FAM171A1: variants seen among roughly 807,000 people sequenced by gnomAD.
FAM171A1 encodes family with sequence similarity 171 member A1, also known as protein FAM171A1.
In FAM171A1, 23 loss-of-function variants were observed where a neutral mutation model predicts 74.9. That is an observed-to-expected ratio of 0.31 (90% CI 0.22 to 0.44). FAM171A1 has a LOEUF of 0.44. FAM171A1 is among the 20% of genes least tolerant of loss of function. The pLI, the probability that FAM171A1 is intolerant of heterozygous loss-of-function variation, is 1.00. For missense variants in FAM171A1, 1,162 were observed against 1,159.2 expected (o/e 1.00, Z -0.03); for synonymous variants, 527 against 505.7 (o/e 1.04, Z -0.57).
At chr10:15,234,513 G>A (rs1027378874) in intron 5 of FAM171A1, among the ~76,000 whole-genome samples, 1 of 152,184 alleles carries the variant, frequency 6.6e-6, no homozygotes, top group African/African-American at 2.4e-5. Flanking sequence ...GTTACAGAAT[G>A]TTCTGAGGTT....
chr10:15,324,628 C>T (rs1276230222), intron 1 of FAM171A1, among the ~76,000 whole-genome samples: 1 of 152,118 alleles, frequency 6.6e-6, no homozygotes, highest in African/African-American at 2.4e-5. Context: ...GCTTCACTCA[C>T]ACTGCACACG....
Position 15,211,902 on chromosome 10 carries a change from G to A in FAM171A1, c.*1013C>T, listed in dbSNP as rs1453834589. On this transcript the variant is annotated 3_prime_UTR_variant, in exon 8 of 8. Transcript: ENST00000378116. The stretch of plus-strand genomic sequence containing the variant: ...TACAAACAGCCAAAAAACCATAATG[G>A]TGCCACAGGGATGGAGCAGGGAAGG... The A allele has an allele frequency of 2.6e-5, 4 of 152,452 alleles. No individual in the cohort carries two copies. Among genetic ancestry groups the A allele is most frequent in the South Asian group, 2.1e-4 (1 of 4,820 alleles). The allele number at this position is 152,452 out of a possible 1,614,324, so 9.4% of individuals were successfully genotyped here.
intron 1 of FAM171A1, among the ~76,000 whole-genome samples, chr10:15,305,799 C>T (rs1440245957): frequency 6.6e-6 from 1 of 151,738 alleles, no homozygotes. Context: ...TGGACTGCCA[C>T]AGAAGGACAC....
chr10:15,220,447 T>C (rs1187118406), intron 6 of FAM171A1, among the ~76,000 whole-genome samples: 1 of 152,236 alleles, frequency 6.6e-6, no homozygotes. Flanking sequence ...CTGAAAGATA[T>C]GCATTAATGC....
At chr10:15,330,067 C>T (rs1422970419) in intron 1 of FAM171A1, among the ~76,000 whole-genome samples, 1 of 152,100 alleles carries the variant, frequency 6.6e-6, no homozygotes, top group Non-Finnish European at 1.5e-5. Context: ...GAGGGCTGGG[C>T]GTGGTGGCTC....
At chr10:15,295,865 C>T (rs999526168) in intron 1 of FAM171A1, among the ~76,000 whole-genome samples, 31 of 152,190 alleles carry the variant, frequency 2.0e-4, no homozygotes, top group African/African-American at 7.5e-4. Flanking sequence ...CTACATTTAA[C>T]CCCAATTTAG....
intron 1 of FAM171A1, among the ~76,000 whole-genome samples, chr10:15,286,945 C>A (rs17358365): frequency 0.23 from 35,397 of 151,984 alleles, 4,255 homozygotes; most frequent in Non-Finnish European, 0.28. Context: ...ATCTTGGCTA[C>A]TTCATACTAT....
At chr10:15,352,984 A>G (rs1225936904) in intron 1 of FAM171A1, among the ~76,000 whole-genome samples, 1 of 152,230 alleles carries the variant, frequency 6.6e-6, no homozygotes, top group Non-Finnish European at 1.5e-5. Flanking sequence ...CGGTAGATGC[A>G]GGGCCTGGAT....
intron 6 of FAM171A1, among the ~76,000 whole-genome samples, chr10:15,218,228 T>C (rs1369579762): frequency 2.0e-5 from 3 of 152,012 alleles, no homozygotes; most frequent in Admixed American, 1.3e-4. Context: ...TACAGGTGTG[T>C]GCTACTGTGC....
chr10:15,304,986 A>G (rs908311591), intron 1 of FAM171A1, among the ~76,000 whole-genome samples: 3 of 152,168 alleles, frequency 2.0e-5, no homozygotes, highest in African/African-American at 7.2e-5. Flanking sequence ...CGCCTGCCTC[A>G]GCCTCCTTCC....
At chr10:15,273,512 A>C (rs1401474867) in intron 3 of FAM171A1, among the ~76,000 whole-genome samples, 1 of 152,238 alleles carries the variant, frequency 6.6e-6, no homozygotes, top group African/African-American at 2.4e-5. Flanking sequence ...AATCAATAGA[A>C]AAAGAGGGAA....
chr10:15,306,517 A>G (rs1343640365), intron 1 of FAM171A1, among the ~76,000 whole-genome samples: 1 of 151,984 alleles, frequency 6.6e-6, no homozygotes, highest in African/African-American at 2.4e-5. Flanking sequence ...GGCATGCCCC[A>G]CCATGCCTGG....
chr10:15,283,658 C>T (rs1474164926), intron 2 of FAM171A1, among the ~76,000 whole-genome samples: 1 of 152,162 alleles, frequency 6.6e-6, no homozygotes, highest in Non-Finnish European at 1.5e-5. Context: ...CACCATGGCT[C>T]ACTGCAGTCT....
chr10:15,253,620 T>C (rs1305969327), intron 4 of FAM171A1, among the ~76,000 whole-genome samples: 1 of 152,232 alleles, frequency 6.6e-6, no homozygotes, highest in African/African-American at 2.4e-5. Flanking sequence ...TAAAAGCTTT[T>C]TCAGAATAAT....
rs1835001361 is a variant in FAM171A1, at chr10:15,283,888, G to T, written c.315C>A (p.Ile105=). ...TGAGGAACGCCTTACCAGGTAACCG[G>T]ATTGGCTTCCATGGGGCAGAGTTTG... The part of the protein sequence containing the change: ...YVPNSAPWKP[I]RLPVFSSLSL... The change falls in exon 2 of 8, where the codon ATC becomes ATA. Residue 105 remains isoleucine, a synonymous_variant. Transcript: ENST00000378116. 6.2e-7 allele frequency: 1 copy of T among 1,614,142 alleles called. No individual in the cohort carries two copies. Among genetic ancestry groups the T allele is most frequent in the Non-Finnish European group, 8.5e-7 (1 of 1,179,990 alleles).
chr10:15,342,381 C>A (rs1835774436), intron 1 of FAM171A1, among the ~76,000 whole-genome samples: 1 of 152,140 alleles, frequency 6.6e-6, no homozygotes, highest in African/African-American at 2.4e-5. Context: ...ACCAGCCTGG[C>A]CAATATGGCG....
At chr10:15,215,915 C>A in intron 7 of FAM171A1, 81 bp downstream of exon 7, 7 of 801,818 alleles carry the variant, frequency 8.7e-6, no homozygotes, top group South Asian at 6.7e-5. Flanking sequence ...AAAAACCCAC[C>A]TCCATATTAA....
intron 1 of FAM171A1, among the ~76,000 whole-genome samples, chr10:15,299,374 A>G (rs971364238): frequency 2.0e-5 from 3 of 152,232 alleles, no homozygotes; most frequent in Non-Finnish European, 4.4e-5. Flanking sequence ...GTTGGAAGGC[A>G]CCAGTGGAAC....
At chr10:15,308,562 CA>C (rs1835323777) in intron 1 of FAM171A1, among the ~76,000 whole-genome samples, 1 of 152,000 alleles carries the variant, frequency 6.6e-6, no homozygotes, top group Admixed American at 6.5e-5. Flanking sequence ...CTACCGGGTT[CA>C]AACAATTCTC....
Sources: allele counts gnomAD v4.1 joint callset (sites outside exome capture counted in the v4.1 genomes callset), GRCh38; gene constraint gnomAD v4.1.1; transcripts MANE v1.5; gene names NCBI Gene and HGNC (gene_info 2026-07-23, HGNC 2026-07-21).